SLC46A1: variants seen among roughly 807,000 people sequenced by gnomAD.
SLC46A1 encodes the protein solute carrier family 46 member 1, also known as proton-coupled folate transporter.
SLC46A1 carries 17 observed loss-of-function variants against 32.1 expected under a neutral mutation model. That is an observed-to-expected ratio of 0.53 (90% CI 0.36 to 0.79). SLC46A1 has a LOEUF of 0.79. Among genes scored for constraint, SLC46A1 ranks in the 30% least tolerant of loss-of-function variants. SLC46A1 has a pLI of 0.00. For missense variants in SLC46A1, 517 were observed against 588.2 expected, an observed-to-expected ratio of 0.88 and a Z score of 1.25; for synonymous variants, 240 against 262.7, an observed-to-expected ratio of 0.91 and a Z score of 0.84.
Position 28,395,857 on chromosome 17 carries a change from C to A in SLC46A1, c.*3799G>T, listed in dbSNP as rs553559977. The A allele has an allele frequency of 5.0e-6, 8 of 1,607,762 alleles. No homozygotes were observed. The South Asian group carries it at 6.6e-5, about 13-fold the overall frequency. On this transcript the variant is annotated 3_prime_UTR_variant, in exon 5 of 5. Transcript: ENST00000612814. ...CCAGCACCTGCCTGGCTACAAGGGT[C>A]CCTAGATGGGTACAGGGGTATCTTC...
At chr17:28,404,482 C>T in intron 2 of SLC46A1, 134 bp downstream of exon 2, 1 of 1,159,158 alleles carries the variant, frequency 8.6e-7, no homozygotes, top group Non-Finnish European at 1.2e-6. Flanking sequence ...TGTCTGTTCT[C>T]CAGTGCAGGC....
chr17:28,402,213 G>A, intron 3 of SLC46A1, 25 bp downstream of exon 3: 2 of 1,602,968 alleles, frequency 1.2e-6, no homozygotes, highest in African/African-American at 1.3e-5. Flanking sequence ...TGAGGAACCA[G>A]ACACAGGTGG....
In SLC46A1 at chr17:28,404,795, G is replaced by A; in HGVS notation, c.902C>T (p.Ser301Phe). 1 of 1,614,018 alleles carries A rather than the reference G, an allele frequency of 6.2e-7. No individual in the cohort carries two copies. The highest frequency in any genetic ancestry group is 8.5e-7 in the Non-Finnish European group (1 of 1,179,896). Residue 301 changes from serine to phenylalanine, a missense_variant, in exon 2 of 5, where the codon TCC becomes TTC. By Grantham distance (155) the Ser-to-Phe change is radical (BLOSUM62 -2). Coordinates refer to ENST00000612814, the MANE Select transcript of SLC46A1 (RefSeq NM_080669.6). Reference sequence around the variant, plus strand: ...TGCAGAACCATAGCCGATTAGTTTGGAGTCCCAGCAGAGGGGTGTGCTTAG... The same window carrying A: ...TGCAGAACCATAGCCGATTAGTTTGAAGTCCCAGCAGAGGGGTGTGCTTAG... ...YELSTPLCWD[S>F]KLIGYGSAAQ...
Position 28,399,281 on chromosome 17 carries a change from C to G in SLC46A1, c.*375G>C, listed in dbSNP as rs1180991135. 2.6e-5 allele frequency: 6 copies of G among 235,026 alleles called. No homozygotes were observed. Among genetic ancestry groups the G allele is most frequent in the Non-Finnish European group, 5.1e-5 (6 of 117,082 alleles). 14.6% of individuals were successfully genotyped at this position (235,026 alleles called of 1,614,324 possible). A position where few individuals can be genotyped will look rare whatever the true frequency, so the allele number is the denominator to read the frequency against. On this transcript the variant is annotated 3_prime_UTR_variant, in exon 5 of 5. Coordinates refer to ENST00000612814, the MANE Select transcript of SLC46A1 (RefSeq NM_080669.6). ...CCTGGTTGGGGCTGTGCAGTTTGGG[C>G]TGGAAGGAGAGATGCCAGCCCTCGT...
chr17:28,396,040 C>T lies in SLC46A1; in HGVS notation c.*3616G>A, dbSNP rs2068117989. On this transcript the variant is annotated 3_prime_UTR_variant, in exon 5 of 5. Transcript: ENST00000612814. ...CAACGGTATCAAGTGAGCCCCAGGG[C>T]CCTGGGACCAGGGGGGTAGGGTACA... 6.2e-7 allele frequency: 1 copy of T among 1,613,804 alleles called. No individual in the cohort carries two copies. The highest frequency in any genetic ancestry group is 8.5e-7 in the Non-Finnish European group (1 of 1,179,818).
chr17:28,401,575 A>G (rs1555589645), intron 3 of SLC46A1: 2 of 152,314 alleles, frequency 1.3e-5, no homozygotes, highest in African/African-American at 4.8e-5. Context: ...ATACCAGGAG[A>G]ACCCACAGTT....
In SLC46A1 at chr17:28,396,234, C is replaced by T; in HGVS notation, c.*3422G>A. The T allele has an allele frequency of 1.2e-6, 2 of 1,614,010 alleles. No homozygotes were observed. The highest frequency in any genetic ancestry group is 1.7e-6 in the Non-Finnish European group (2 of 1,179,866). ...CAGGGCCGCTCCTCCCGGGACTCATCTGCAGGCTCTGACACCAGTTTGGAG... is the reference window on the plus strand; with the variant it reads ...CAGGGCCGCTCCTCCCGGGACTCATTTGCAGGCTCTGACACCAGTTTGGAG... On this transcript the variant is annotated 3_prime_UTR_variant, in exon 5 of 5. Coordinates refer to ENST00000612814, the MANE Select transcript of SLC46A1 (RefSeq NM_080669.6).
At position 28,405,220 on chromosome 17, in the gene SLC46A1, G is replaced by A; in HGVS notation, c.477C>T (p.Gly159=). ...ILCALLGDFG[G]LLAASFASVA... ...CGGACGCAAAGCTAGCAGCCAGAAGGCCACCGAAGTCGCCGAGGAGGGCAC... is the reference window on the plus strand; with the variant it reads ...CGGACGCAAAGCTAGCAGCCAGAAGACCACCGAAGTCGCCGAGGAGGGCAC... Residue 159 remains glycine, a synonymous_variant, in exon 2 of 5, where the codon GGC becomes GGT. Coordinates refer to ENST00000612814, the MANE Select transcript of SLC46A1 (RefSeq NM_080669.6). The A allele has an allele frequency of 6.3e-7, 1 of 1,597,598 alleles. No individual in the cohort carries two copies. The highest frequency in any genetic ancestry group is 8.5e-7 in the Non-Finnish European group (1 of 1,172,456).
At chr17:28,401,135 T>G (rs1330126765) in intron 3 of SLC46A1, 5 of 340,446 alleles carry the variant, frequency 1.5e-5, no homozygotes, top group Non-Finnish European at 2.9e-5. Context: ...TGGGATTAAC[T>G]GCTGGTCTGA....
intron 1 of SLC46A1, 112 bp from the exon 2 acceptor site, chr17:28,405,580 C>T (rs2068249729): frequency 2.7e-6 from 4 of 1,456,070 alleles, no homozygotes; most frequent in South Asian, 1.2e-5. Flanking sequence ...AGCCCTAAAC[C>T]TCAGAGAATC....
In SLC46A1 at chr17:28,405,348, G is replaced by A. The variant is rs1555590949; in HGVS notation, c.349C>T (p.Leu117=). The change falls in exon 2 of 5, where the codon CTA becomes TTA. Residue 117 remains leucine (L), a synonymous_variant. Coordinates refer to ENST00000612814, the MANE Select transcript of SLC46A1 (RefSeq NM_080669.6). ...WSDSVGRRPL[L]VLASLGLLLQ... is the part of the protein sequence containing the mutation. ...AGCAGGCCCAGCGAGGCCAGCACTA[G>A]CAGCGGGCGGCGGCCCACACTGTCG... is the stretch of plus-strand genomic sequence containing the variant. 2 of 1,587,172 alleles carry A rather than the reference G, an allele frequency of 1.3e-6. No individual in the cohort carries two copies. The highest frequency in any genetic ancestry group is 3.6e-5 in the Admixed American group (2 of 55,626).
intron 4 of SLC46A1, 113 bp downstream of exon 4, chr17:28,400,497 C>T: frequency 1.4e-6 from 2 of 1,435,358 alleles, no homozygotes; most frequent in Admixed American, 2.2e-5. Flanking sequence ...GGACAAGACA[C>T]CCAGAGGGTA....
chr17:28,405,654 CT>C, intron 1 of SLC46A1, 186 bp from the exon 2 acceptor site: 1 of 995,388 alleles, frequency 1.0e-6, no homozygotes, highest in Non-Finnish European at 1.4e-6. Context: ...GCCCCATTCC[CT>C]TTCCTTTCCC....
In SLC46A1 at chr17:28,396,287, C is replaced by A; in HGVS notation, c.*3369G>T. On this transcript the variant is annotated 3_prime_UTR_variant, in exon 5 of 5. Transcript: ENST00000612814. ...TGCTGCACCCATGGGTCCAACCTAA[C>A]CAGTCCCCAGTTCCCCAGCCCTGCT... is the stretch of plus-strand genomic sequence containing the variant. The A allele has an allele frequency of 6.2e-7, 1 of 1,613,902 alleles. No homozygotes were observed. The highest frequency in any genetic ancestry group is 1.3e-5 in the African/African-American group (1 of 75,068).
At chr17:28,406,533 A>G (rs2068264024), upstream of SLC46A1, 1 of 163,516 alleles carries the variant, frequency 6.1e-6, no homozygotes, top group Admixed American at 6.4e-5. This position sits in a 1 kb window ranked among gnomAD's most constrained non-coding sequence, Gnocchi z 4.5. Flanking sequence ...AATATTAACC[A>G]TCGCTATCTA....
In SLC46A1 at chr17:28,400,604, C is replaced by T. The variant is rs782189198; in HGVS notation, c.1322+6G>A. On this transcript the variant is annotated splice_donor_region_variant and intron_variant, in intron 4 of 4. Transcript: ENST00000612814. ...TTATGAGCATGGGTTCAGGGCCCTG[C>T]ATTACCCAATCAGAACAGCCGGGAT... 2 of 1,613,602 alleles carry T rather than the reference C, an allele frequency of 1.2e-6. No homozygotes were observed. The highest frequency in any genetic ancestry group is 3.3e-5 in the Admixed American group (2 of 59,988).
intron 2 of SLC46A1, chr17:28,402,922 G>C (rs1437391820): frequency 6.6e-6 from 1 of 152,234 alleles, no homozygotes; most frequent in Non-Finnish European, 1.5e-5. Context: ...GATTAGGTTG[G>C]GCCCTAAATG....
chr17:28,405,102 C>A lies in SLC46A1; in HGVS notation c.595G>T (p.Gly199Trp), dbSNP rs782562758. Residue 199 changes from glycine (G) to tryptophan (W), a missense_variant, in exon 2 of 5, where the codon GGG becomes TGG. Transcript: ENST00000612814. ...GVAGMLASLLGGHWLRAQGYA... is the reference protein window; with the variant it reads ...GVAGMLASLLWGHWLRAQGYA... ...CCCTGGGCCCGGAGCCAGTGGCCCCCGAGGAGGCTTGCCAGCATCCCAGCC... is the reference window on the plus strand; with the variant it reads ...CCCTGGGCCCGGAGCCAGTGGCCCCAGAGGAGGCTTGCCAGCATCCCAGCC... 3 of 1,613,800 alleles carry A rather than the reference C, an allele frequency of 1.9e-6. No individual in the cohort carries two copies. The highest frequency in any genetic ancestry group is 2.5e-6 in the Non-Finnish European group (3 of 1,179,820).
At position 28,406,080 on chromosome 17, in the gene SLC46A1, C is replaced by T. The variant is rs2068259318; in HGVS notation, c.35G>A (p.Arg12His). 1.3e-6 allele frequency: 2 copies of T among 1,580,750 alleles called. No homozygotes were observed. Among genetic ancestry groups the T allele is most frequent in the Admixed American group, 3.6e-5 (2 of 55,804 alleles). Residue 12 changes from arginine (R) to histidine (H), a missense_variant, in exon 1 of 5, where the codon CGC becomes CAC. Arg to His is a conservative substitution (Grantham distance 29). Coordinates refer to ENST00000612814, the MANE Select transcript of SLC46A1 (RefSeq NM_080669.6). The surrounding 1 kb of genome is among the most constrained non-coding windows in gnomAD (Gnocchi z 4.5). Reference sequence around the variant, plus strand: ...CAGCACGGCAGCCGCAGGGCGGGCGCGGGGCTTTTCCGGGGGGCTCGCGCT... The same window carrying T: ...CAGCACGGCAGCCGCAGGGCGGGCGTGGGGCTTTTCCGGGGGGCTCGCGCT... Reference protein sequence around the residue: ...EGSASPPEKPRARPAAAVLCR... With the variant: ...EGSASPPEKPHARPAAAVLCR...
Sources: allele counts gnomAD v4.1 joint callset, GRCh38; gene constraint gnomAD v4.1.1; non-coding constraint Gnocchi (gnomAD v3.1); transcripts MANE v1.5; gene names NCBI Gene and HGNC (gene_info 2026-07-23, HGNC 2026-07-21).